The following CAMTA1 variants were observed in gnomAD, a reference collection of about 807,000 sequenced individuals.
CAMTA1 encodes calmodulin-binding transcription activator 1.
CAMTA1 carries 27 observed loss-of-function variants against 170.9 expected under a neutral mutation model. The observed-to-expected ratio is 0.16, with a 90% CI of 0.12 to 0.22. The LOEUF is 0.22. CAMTA1 is among the 10% of genes least tolerant of loss of function. The pLI, the probability that CAMTA1 is intolerant of heterozygous loss-of-function variation, is 1.00. For synonymous variants in CAMTA1, 833 were observed against 891.5 expected, an observed-to-expected ratio of 0.93 and a Z score of 1.17; for missense variants, 1,619 against 2,217.2, an observed-to-expected ratio of 0.73 and a Z score of 5.42.
At chr1:7,360,530 A>G (rs1339255188) in intron 5 of CAMTA1, among the ~76,000 whole-genome samples, 1 of 152,242 alleles carries the variant, frequency 6.6e-6, no homozygotes, top group Non-Finnish European at 1.5e-5. Flanking sequence ...TAGGGTTAAC[A>G]CTACCTACCT....
At chr1:7,384,300 C>A (rs2087690420) in intron 5 of CAMTA1, among the ~76,000 whole-genome samples, 2 of 152,166 alleles carry the variant, frequency 1.3e-5, no homozygotes, top group African/African-American at 4.8e-5. Context: ...TGGCTTGGTT[C>A]CAGTCCAACT....
chr1:6,858,540 G>A (rs115504070), intron 3 of CAMTA1, among the ~76,000 whole-genome samples: 89 of 151,228 alleles, frequency 5.9e-4, no homozygotes, highest in African/African-American at 2.1e-3. Flanking sequence ...AGTTTAGCCG[G>A]CATTATACTG....
intron 3 of CAMTA1, among the ~76,000 whole-genome samples, chr1:7,078,681 A>T (rs1290763978): frequency 6.6e-6 from 1 of 152,260 alleles, no homozygotes; most frequent in Non-Finnish European, 1.5e-5. Context: ...AACAATGATA[A>T]AACTGGATAA....
intron 5 of CAMTA1, among the ~76,000 whole-genome samples, chr1:7,394,973 C>T (rs2089152109): frequency 6.6e-6 from 1 of 151,872 alleles, no homozygotes; most frequent in East Asian, 1.9e-4. Context: ...ACCTCTGCCT[C>T]CTGGGTTCAA....
At chr1:7,417,795 G>A (rs12086639) in intron 5 of CAMTA1, among the ~76,000 whole-genome samples, 1,617 of 152,208 alleles carry the variant, frequency 0.011, 29 homozygotes, top group African/African-American at 0.035. Context: ...TGCACCCACC[G>A]TCCGGCACTC....
intron 5 of CAMTA1, among the ~76,000 whole-genome samples, chr1:7,390,575 G>A (rs933287082): frequency 5.9e-5 from 9 of 152,232 alleles, no homozygotes; most frequent in Non-Finnish European, 8.8e-5. Context: ...CAACAGGGTC[G>A]CTAGTAGTGC....
At chr1:7,752,355 C>A in intron 20 of CAMTA1, 104 bp from the exon 21 acceptor site, 1 of 939,830 alleles carries the variant, frequency 1.1e-6, no homozygotes, top group Non-Finnish European at 1.7e-6. Context: ...GTTGGCTTTG[C>A]TACACGAACT....
rs570348450 is a variant in CAMTA1 at position 7,561,791 on chromosome 1, C to T, written c.511-78609C>T. ...AGGCCATGGTGTTAGCCTCTCCACG[C>T]TACCTCCCACAAGCAGAAATGACTC... On this transcript the variant is annotated intron_variant, in intron 6 of 22. Transcript: ENST00000303635. The surrounding 1 kb of genome is among the most constrained non-coding windows in gnomAD (Gnocchi z 5.3). Among the ~76,000 whole-genome samples, 11 of 152,194 alleles carry T rather than the reference C, an allele frequency of 7.2e-5. No homozygotes were observed. The East Asian group carries it at 2.1e-3, about 30-fold the overall frequency.
chr1:7,641,872 C>T lies in CAMTA1; in HGVS notation c.664+1319C>T, dbSNP rs575705981. Among the ~76,000 whole-genome samples, 67 of 152,248 alleles carry T rather than the reference C, an allele frequency of 4.4e-4. 2 individuals are homozygous for T. The South Asian group carries it at 0.014, about 31-fold the overall frequency. On this transcript the variant is annotated intron_variant, in intron 7 of 22. Transcript: ENST00000303635. This position sits in a 1 kb window ranked among gnomAD's most constrained non-coding sequence, Gnocchi z 4.5. ...TCTTAACTGCAGCCCTGACCACATC[C>T]CTCTCTGCTTAAAACCACTCAATGC...
At chr1:7,088,509 A>C (rs1641045355) in intron 3 of CAMTA1, among the ~76,000 whole-genome samples, 1 of 152,194 alleles carries the variant, frequency 6.6e-6, no homozygotes, top group Middle Eastern at 3.2e-3. Flanking sequence ...TATACAGTAG[A>C]TGCTCAGTAA....
intron 6 of CAMTA1, among the ~76,000 whole-genome samples, chr1:7,604,009 C>A (rs1451987158): frequency 6.6e-6 from 1 of 152,170 alleles, no homozygotes; most frequent in Non-Finnish European, 1.5e-5. Flanking sequence ...TGAATATTGG[C>A]CCCCACTCTC....
chr1:6,872,074 C>T, intron 3 of CAMTA1: 1 of 747,266 alleles, frequency 1.3e-6, no homozygotes, highest in Non-Finnish European at 1.7e-6. Flanking sequence ...GTGCATTTCC[C>T]CATACAGTAT....
At chr1:7,541,288 G>A (rs1431575410) in intron 6 of CAMTA1, among the ~76,000 whole-genome samples, 3 of 152,374 alleles carry the variant, frequency 2.0e-5, no homozygotes, top group Non-Finnish European at 4.4e-5. Context: ...GGAGAAGGGA[G>A]AATGGGAAAA....
chr1:7,728,779 C>T (rs2096710217), intron 11 of CAMTA1, among the ~76,000 whole-genome samples: 1 of 152,228 alleles, frequency 6.6e-6, no homozygotes, highest in Non-Finnish European at 1.5e-5. Flanking sequence ...GACCTGTGAT[C>T]TGCAAGATTT....
chr1:7,257,032 C>T (rs1053034700), intron 5 of CAMTA1, among the ~76,000 whole-genome samples: 1 of 148,920 alleles, frequency 6.7e-6, no homozygotes, highest in African/African-American at 2.5e-5. Context: ...CTCTCACGAT[C>T]TGATCACCTC....
chr1:7,204,122 G>A (rs1657241628), intron 4 of CAMTA1, among the ~76,000 whole-genome samples: 1 of 152,020 alleles, frequency 6.6e-6, no homozygotes, highest in African/African-American at 2.4e-5. Flanking sequence ...ACAGGTGTGA[G>A]CCACTGTGCC....
At chr1:7,118,227 G>T (rs1199161255) in intron 4 of CAMTA1, among the ~76,000 whole-genome samples, 4 of 151,778 alleles carry the variant, frequency 2.6e-5, no homozygotes, top group Non-Finnish European at 5.9e-5. Flanking sequence ...CTGATGGAGG[G>T]ACTCTAGAGT....
At chr1:7,518,716 A>G (rs1750817) in intron 6 of CAMTA1, among the ~76,000 whole-genome samples, 118,681 of 151,826 alleles carry the variant, frequency 0.78, 46,877 homozygotes, top group African/African-American at 0.88. Context: ...ACTCCTGGAA[A>G]GGAAGGTGCC....
intron 5 of CAMTA1, among the ~76,000 whole-genome samples, chr1:7,258,059 T>C (rs778461586): frequency 1.5e-4 from 23 of 152,196 alleles, no homozygotes; most frequent in Non-Finnish European, 8.8e-5. Context: ...GAGTCCTGGA[T>C]GTTTCTCAAA....
Sources: allele counts gnomAD v4.1 joint callset (sites outside exome capture counted in the v4.1 genomes callset), GRCh38; gene constraint gnomAD v4.1.1; non-coding constraint Gnocchi (gnomAD v3.1); transcripts MANE v1.5; gene names NCBI Gene and HGNC (gene_info 2026-07-23, HGNC 2026-07-21).